Variants in ERBIN observed in about 807,000 individuals in gnomAD.
ERBIN encodes the protein erbb2 interacting protein, also known as densin-180-like protein.
In ERBIN, 60 loss-of-function variants were observed where a neutral mutation model predicts 158.4. That is an observed-to-expected ratio of 0.38 (90% confidence interval 0.31 to 0.47). The LOEUF (loss-of-function observed/expected upper bound fraction) is 0.47, where lower values mean the gene tolerates loss of function less well. ERBIN is among the 20% of genes least tolerant of loss of function. The pLI is 0.99. For synonymous variants in ERBIN, 594 were observed against 557.2 expected, an observed-to-expected ratio of 1.07 and a Z score of -0.93; for missense variants, 1,610 against 1,648.0, an observed-to-expected ratio of 0.98 and a Z score of 0.40.
intron 5 of ERBIN, 106 bp from the exon 6 acceptor site, chr5:66,013,443 C>A (rs1288077206): frequency 2.4e-6 from 2 of 827,466 alleles, no homozygotes; most frequent in African/African-American, 1.7e-5. Flanking sequence ...ATAACAGAAG[C>A]GACTGTTTTC....
intron 20 of ERBIN, among the ~76,000 whole-genome samples, chr5:66,051,453 ATTAT>A (rs1759010601): frequency 6.6e-6 from 1 of 152,156 alleles, no homozygotes; most frequent in African/African-American, 2.4e-5. Flanking sequence ...AACACATTTT[ATTAT>A]TTAGGCTCTT....
At chr5:65,937,252 ATGT>A (rs1471987118) in intron 1 of ERBIN, among the ~76,000 whole-genome samples, 1 of 152,166 alleles carries the variant, frequency 6.6e-6, no homozygotes, top group Non-Finnish European at 1.5e-5. Context: ...TTTGGTTTTA[ATGT>A]TATTATTGGA....
At chr5:65,932,964 A>G (rs1743626055) in intron 1 of ERBIN, among the ~76,000 whole-genome samples, 1 of 150,100 alleles carries the variant, frequency 6.7e-6, no homozygotes, top group African/African-American at 2.5e-5. Flanking sequence ...CTAATGTTTT[A>G]TTTTTTTTTG....
chr5:66,069,167 ATCTT>A (rs1260902184), intron 21 of ERBIN: 2 of 686,454 alleles, frequency 2.9e-6, no homozygotes, highest in East Asian at 5.9e-5. Flanking sequence ...TTAGTTCTAA[ATCTT>A]TCTTCAGAGC....
At chr5:66,020,705 G>A (rs757337198) in intron 7 of ERBIN, among the ~76,000 whole-genome samples, 3 of 151,924 alleles carry the variant, frequency 2.0e-5, no homozygotes, top group Non-Finnish European at 4.4e-5. Context: ...TCAAGTTCCT[G>A]TAATTTCAGA....
chr5:66,049,395 T>TA (rs1421813697), intron 19 of ERBIN, among the ~76,000 whole-genome samples: 2 of 152,112 alleles, frequency 1.3e-5, no homozygotes, highest in Non-Finnish European at 2.9e-5. Context: ...CAATGATACT[T>TA]ATTATCAAGG....
At chr5:66,032,664 G>A (rs968545332) in intron 14 of ERBIN, among the ~76,000 whole-genome samples, 2 of 152,146 alleles carry the variant, frequency 1.3e-5, no homozygotes, top group Non-Finnish European at 1.5e-5. Flanking sequence ...TTCATCAGGG[G>A]TTAGTGCCAA....
intron 1 of ERBIN, among the ~76,000 whole-genome samples, chr5:65,967,663 G>A (rs1411168838): frequency 6.6e-6 from 1 of 152,220 alleles, no homozygotes; most frequent in African/African-American, 2.4e-5. Context: ...AACACATCCT[G>A]TCAAGCAATG....
chr5:66,060,113 G>C (rs1343545596), intron 21 of ERBIN, among the ~76,000 whole-genome samples: 3 of 152,180 alleles, frequency 2.0e-5, no homozygotes, highest in Non-Finnish European at 2.9e-5. Flanking sequence ...AGAAGGAATG[G>C]TACCAGCTCC....
chr5:65,984,194 T>G (rs1302458333), intron 1 of ERBIN, among the ~76,000 whole-genome samples: 1 of 152,270 alleles, frequency 6.6e-6, no homozygotes, highest in East Asian at 1.9e-4. Flanking sequence ...GATCTTTGTG[T>G]ACTTGCTATT....
intron 15 of ERBIN, among the ~76,000 whole-genome samples, chr5:66,041,731 C>T (rs1580439669): frequency 1.3e-5 from 2 of 152,026 alleles, no homozygotes; most frequent in African/African-American, 4.8e-5. Context: ...GAAATTACTG[C>T]CCTGGAACAA....
intron 1 of ERBIN, chr5:65,961,156 T>C (rs1224582763): frequency 1.3e-5 from 2 of 152,206 alleles, no homozygotes; most frequent in Non-Finnish European, 2.9e-5. Context: ...TTCCTGAAAA[T>C]TGAACTTTTC....
chr5:65,947,479 T>C (rs1315459209), intron 1 of ERBIN, among the ~76,000 whole-genome samples: 1 of 152,200 alleles, frequency 6.6e-6, no homozygotes, highest in Non-Finnish European at 1.5e-5. Flanking sequence ...CATTTCTCCT[T>C]ACAGATGAGA....
chr5:66,011,555 C>T (rs1301098280), intron 4 of ERBIN, among the ~76,000 whole-genome samples: 7 of 152,102 alleles, frequency 4.6e-5, no homozygotes, highest in Non-Finnish European at 8.8e-5. Flanking sequence ...GGCATGGTGG[C>T]GGGCGCCTGT....
intron 1 of ERBIN, among the ~76,000 whole-genome samples, chr5:65,957,638 T>C (rs888431404): frequency 2.6e-5 from 4 of 152,186 alleles, no homozygotes; most frequent in African/African-American, 4.8e-5. Context: ...ACAGCAACAA[T>C]CTGATTTCTC....
At chr5:66,037,563 A>G (rs1245977100) in intron 14 of ERBIN, among the ~76,000 whole-genome samples, 1 of 152,154 alleles carries the variant, frequency 6.6e-6, no homozygotes, top group Non-Finnish European at 1.5e-5. Context: ...AGGAACAGAA[A>G]GGAATGTTTA....
At chr5:66,052,533 A>T (rs1231283515) in intron 20 of ERBIN, among the ~76,000 whole-genome samples, 1 of 152,140 alleles carries the variant, frequency 6.6e-6, no homozygotes, top group Non-Finnish European at 1.5e-5. Flanking sequence ...AAGCGGTATG[A>T]TATTTTCTAA....
chr5:66,038,153 ACTTG>A (rs1475489478), intron 14 of ERBIN, among the ~76,000 whole-genome samples: 4 of 152,182 alleles, frequency 2.6e-5, no homozygotes, highest in Non-Finnish European at 4.4e-5. Flanking sequence ...AGCTTGATTT[ACTTG>A]CTTTATACTA....
intron 9 of ERBIN, among the ~76,000 whole-genome samples, chr5:66,024,044 A>T (rs1400483752): frequency 6.6e-6 from 1 of 152,126 alleles, no homozygotes; most frequent in Non-Finnish European, 1.5e-5. Flanking sequence ...ATCCCCATAT[A>T]TGCTATTTCC....
Sources: allele counts gnomAD v4.1 joint callset (sites outside exome capture counted in the v4.1 genomes callset), GRCh38; gene constraint gnomAD v4.1.1; transcripts MANE v1.5; gene names NCBI Gene and HGNC (gene_info 2026-07-23, HGNC 2026-07-21).